The following PDE6A variants were observed in gnomAD, a reference collection of about 807,000 sequenced individuals.
PDE6A encodes the protein rod cGMP-specific 3',5'-cyclic phosphodiesterase subunit alpha.
In PDE6A, 84 loss-of-function variants were observed where a neutral mutation model predicts 106.3. The observed-to-expected ratio is 0.79, with a 90% confidence interval of 0.66 to 0.95. The LOEUF (loss-of-function observed/expected upper bound fraction) is 0.95, where lower values mean the gene tolerates loss of function less well. Among genes scored for constraint, PDE6A ranks in the 40% least tolerant of loss-of-function variants. The pLI is 0.00. For synonymous variants in PDE6A, 394 were observed against 386.6 expected, an observed-to-expected ratio of 1.02 and a Z score of -0.23; for missense variants, 1,052 against 1,084.9, an observed-to-expected ratio of 0.97 and a Z score of 0.43.
rs1400996675 is a variant in PDE6A, at chr5:149,898,346, T to C, written c.1407+17A>G. 1 of 1,612,192 alleles carries C rather than the reference T, an allele frequency of 6.2e-7. No individual in the cohort carries two copies. Among genetic ancestry groups the C allele is most frequent in the African/African-American group, 1.3e-5 (1 of 75,034 alleles). ...CAGTCTGTATTAGAGTAGAAACAAG[T>C]AAAGAACATTACACACCAAGATTTT... On this transcript the variant is annotated intron_variant, in intron 10 of 21. Coordinates refer to ENST00000255266, the MANE Select transcript of PDE6A (RefSeq NM_000440.3).
At chr5:149,933,671 TTAAG>T (rs1407030235) in intron 3 of PDE6A, among the ~76,000 whole-genome samples, 1 of 152,248 alleles carries the variant, frequency 6.6e-6, no homozygotes, top group Non-Finnish European at 1.5e-5. Context: ...CATAGAGAGA[TTAAG>T]TGACTCACTT....
At position 149,898,427 on chromosome 5, in the gene PDE6A, T is replaced by A; in HGVS notation, c.1343A>T (p.Asp448Val). 6 of 1,612,442 alleles carry A rather than the reference T, an allele frequency of 3.7e-6. No individual in the cohort carries two copies. The highest frequency in any genetic ancestry group is 5.1e-6 in the Non-Finnish European group (6 of 1,178,494). The change falls in exon 10 of 22, where the codon GAT becomes GTT. Residue 448 changes from aspartate (D) to valine (V), a missense_variant. Asp to Val is a radical substitution (Grantham distance 152). Around this residue, in one of 3 missense-constraint regions of PDE6A, gnomAD observed 913 missense variants for 915.2 expected, o/e 1.00. Transcript: ENST00000255266. ...ESMNKLENRKDIFQDIVKYHV... is the reference protein window; with the variant it reads ...ESMNKLENRKVIFQDIVKYHV... ...ATATTTTACTATGTCCTGGAAAATATCCTTCCTATTTTCAAGTTTATTCAT... is the reference window on the plus strand; with the variant it reads ...ATATTTTACTATGTCCTGGAAAATAACCTTCCTATTTTCAAGTTTATTCAT...
intron 4 of PDE6A, among the ~76,000 whole-genome samples, chr5:149,928,140 A>G (rs1753915389): frequency 6.8e-6 from 1 of 147,588 alleles, no homozygotes; most frequent in Non-Finnish European, 1.5e-5. Context: ...GTAAATACAT[A>G]AACCAGTAAC....
intron 9 of PDE6A, 84 bp from the exon 10 acceptor site, chr5:149,898,590 C>T: frequency 7.2e-7 from 1 of 1,396,846 alleles, no homozygotes; most frequent in South Asian, 1.2e-5. Flanking sequence ...AGTCTCTAGG[C>T]CTCTGTTTTC....
At chr5:149,932,271 T>C (rs544452081) in intron 3 of PDE6A, 2 of 1,434,378 alleles carry the variant, frequency 1.4e-6, no homozygotes, top group Admixed American at 3.4e-5. Flanking sequence ...AACAGCAGTT[T>C]CACTCGTAGA....
chr5:149,892,628 C>T (rs145524146), intron 13 of PDE6A, among the ~76,000 whole-genome samples: 15 of 152,000 alleles, frequency 9.9e-5, no homozygotes, highest in Admixed American at 7.2e-4. Context: ...GTAGCTGGGA[C>T]CACAGGCGTG....
intron 5 of PDE6A, among the ~76,000 whole-genome samples, chr5:149,920,986 GAAA>G (rs1753700289): frequency 7.5e-6 from 1 of 134,128 alleles, no homozygotes; most frequent in Non-Finnish European, 1.5e-5. Flanking sequence ...AAGAAAGAAA[GAAA>G]GAAAGAAAAA....
At chr5:149,892,816 C>A (rs1752593538) in intron 13 of PDE6A, among the ~76,000 whole-genome samples, 1 of 152,158 alleles carries the variant, frequency 6.6e-6, no homozygotes, top group Non-Finnish European at 1.5e-5. Flanking sequence ...AAGAGATACT[C>A]ATTTCACTAG....
intron 13 of PDE6A, 83 bp downstream of exon 13, chr5:149,895,100 G>C (rs1036293097): frequency 1.2e-6 from 1 of 829,574 alleles, no homozygotes; most frequent in Non-Finnish European, 2.1e-6. Flanking sequence ...GAAGAACAAC[G>C]CTGTTGCTAC....
rs1760006275 is a variant in PDE6A, at chr5:149,858,276, G to C, written c.*2619C>G. On this transcript the variant is annotated 3_prime_UTR_variant, in exon 22 of 22. Coordinates refer to ENST00000255266, the MANE Select transcript of PDE6A (RefSeq NM_000440.3). ...CTCCATAAAGCTGGTGGTGGGGGGG[G>C]AACGATAGAGAAGGAAAAAAAATCA... is the stretch of plus-strand genomic sequence containing the variant. The C allele has an allele frequency of 6.6e-6, 1 of 151,936 alleles. No individual in the cohort carries two copies. The highest frequency in any genetic ancestry group is 6.6e-5 in the Admixed American group (1 of 15,244). The allele number at this position is 151,936 out of a possible 1,614,324, so 9.4% of individuals were successfully genotyped here.
intron 12 of PDE6A, among the ~76,000 whole-genome samples, chr5:149,895,639 A>AC (rs1012612133): frequency 3.9e-5 from 6 of 151,946 alleles, no homozygotes; most frequent in African/African-American, 1.5e-4. Flanking sequence ...ACAGGGAAAA[A>AC]AAAAACAAAA....
chr5:149,926,717 C>T (rs749981318), intron 4 of PDE6A, among the ~76,000 whole-genome samples: 7 of 152,256 alleles, frequency 4.6e-5, no homozygotes, highest in South Asian at 2.1e-4. Context: ...CAGTGGCTCA[C>T]GCCTATAATC....
At chr5:149,902,079 A>T (rs920817121) in intron 8 of PDE6A, among the ~76,000 whole-genome samples, 5 of 152,232 alleles carry the variant, frequency 3.3e-5, no homozygotes, top group Non-Finnish European at 5.9e-5. Flanking sequence ...AGATGACATA[A>T]GGAAAATACA....
chr5:149,873,666 C>T (rs975667307), intron 17 of PDE6A, among the ~76,000 whole-genome samples: 2 of 152,066 alleles, frequency 1.3e-5, no homozygotes, highest in East Asian at 1.9e-4. Flanking sequence ...TTCCCCCAAC[C>T]ATTTAGAAAT....
In PDE6A at chr5:149,914,106, T is replaced by C. The variant is rs375579891; in HGVS notation, c.998+837A>G. Among the ~76,000 whole-genome samples the C allele has an allele frequency of 3.3e-5, 5 of 152,316 alleles. 1 individual carries two copies. Among genetic ancestry groups the C allele is most frequent in the African/African-American group, 1.2e-4 (5 of 41,576 alleles). The stretch of plus-strand genomic sequence containing the variant: ...AATCCCTGATTTCATCCCAGTCTCA[T>C]TCTATACATGGGACTCTAAGGTCCA... On this transcript the variant is annotated intron_variant, in intron 6 of 21. Transcript: ENST00000255266.
In PDE6A at chr5:149,863,237, G is replaced by A. The variant is rs2113495116; in HGVS notation, c.2388C>T (p.Thr796=). 6.2e-7 allele frequency: 1 copy of A among 1,614,202 alleles called. No individual in the cohort carries two copies. The highest frequency in any genetic ancestry group is 1.7e-5 in the Admixed American group (1 of 60,030). ...TGTTGGTGATCCCGTCCAACATTGG[G>A]GTGATCTCCTCGTGGAAACGGGAGA... The part of the protein sequence containing the change: ...KEFSRFHEEI[T]PMLDGITNNR... Residue 796 remains threonine, a synonymous_variant, in exon 21 of 22, where the codon ACC becomes ACT. Coordinates refer to ENST00000255266, the MANE Select transcript of PDE6A (RefSeq NM_000440.3). The surrounding 1 kb of genome is among the most constrained non-coding windows in gnomAD (Gnocchi z 4.7).
chr5:149,942,980 C>T (rs555115963), intron 1 of PDE6A, among the ~76,000 whole-genome samples: 2 of 151,330 alleles, frequency 1.3e-5, no homozygotes, highest in Admixed American at 1.3e-4. Context: ...CAGATGCCTT[C>T]CTCTTATCTT....
At chr5:149,882,098 T>C (rs986144227) in intron 17 of PDE6A, among the ~76,000 whole-genome samples, 3 of 136,164 alleles carry the variant, frequency 2.2e-5, no homozygotes, top group African/African-American at 9.1e-5. Flanking sequence ...AAATAAAATG[T>C]CCAGGGGGGC....
At chr5:149,930,569 C>A (rs990584749) in intron 4 of PDE6A, among the ~76,000 whole-genome samples, 4 of 152,204 alleles carry the variant, frequency 2.6e-5, no homozygotes, top group Non-Finnish European at 4.4e-5. Flanking sequence ...ACAAATCTGG[C>A]CCCTGAACAT....
Sources: gnomAD v4.1 joint callset for allele counts (sites outside exome capture counted in the v4.1 genomes callset) on GRCh38, gnomAD v4.1.1 for gene constraint, gnomAD v4.1.1 regional missense constraint, Gnocchi (gnomAD v3.1) non-coding constraint, MANE v1.5 for transcripts, NCBI Gene and HGNC (gene_info 2026-07-23, HGNC 2026-07-21) for gene names.